Variants in RHOU observed in about 807,000 individuals in gnomAD.
The protein encoded by RHOU is rho-related GTP-binding protein RhoU.
RHOU carries 8 observed loss-of-function variants against 12.6 expected under a neutral mutation model. That is an observed-to-expected ratio of 0.64 (90% CI 0.37 to 1.15). The LOEUF (loss-of-function observed/expected upper bound fraction) is 1.15. RHOU is among the 50% of genes most tolerant of loss of function. The pLI is 0.01. For missense variants in RHOU, 258 were observed against 347.0 expected (o/e 0.74, Z 2.04); for synonymous variants, 161 against 147.4 (o/e 1.09, Z -0.67).
chr1:228,736,652 G>T (rs1209900596), intron 1 of RHOU, among the ~76,000 whole-genome samples: 1 of 152,142 alleles, frequency 6.6e-6, no homozygotes, highest in Non-Finnish European at 1.5e-5. Context: ...CTGATTGTTG[G>T]TATCTTTTCA....
the RHOU span, among the ~76,000 whole-genome samples, chr1:228,661,600 T>C: frequency 6.1e-4 from 93 of 152,316 alleles, no homozygotes; most frequent in African/African-American, 2.0e-3. Context: ...ATTTAATAAA[T>C]GGTGCTGGGA....
At chr1:228,731,539 G>A (rs1002328875), upstream of RHOU, among the ~76,000 whole-genome samples, 1 of 152,052 alleles carries the variant, frequency 6.6e-6, no homozygotes, top group African/African-American at 2.4e-5. Context: ...AAGTTTTGTC[G>A]GGCCTGAAGC....
At chr1:228,659,825 T>C in the RHOU span, among the ~76,000 whole-genome samples, 1 of 148,026 alleles carries the variant, frequency 6.8e-6, no homozygotes, top group Non-Finnish European at 1.5e-5. Context: ...CTACTAAAAA[T>C]ACAAAAAACG....
chr1:228,739,868 C>T (rs1366657449), intron 2 of RHOU, among the ~76,000 whole-genome samples: 2 of 152,212 alleles, frequency 1.3e-5, no homozygotes, highest in Admixed American at 6.5e-5. Context: ...GGCTTAATCT[C>T]GTGGTTTTAG....
Position 228,743,417 on chromosome 1 carries a change from C to T in RHOU, c.454C>T (p.Pro152Ser). 1.2e-6 allele frequency: 2 copies of T among 1,614,162 alleles called. No individual in the cohort carries two copies. Among genetic ancestry groups the T allele is most frequent in the Non-Finnish European group, 1.7e-6 (2 of 1,180,042 alleles). ...GGTGCCGGAGATTCGATGCCACTGTCCCAAAGCCCCCATCATCCTAGTTGG... is the reference window on the plus strand; with the variant it reads ...GGTGCCGGAGATTCGATGCCACTGTTCCAAAGCCCCCATCATCCTAGTTGG... ...KWVPEIRCHC[P>S]KAPIILVGTQ... The change falls in exon 3 of 3, where the codon CCC (proline) becomes TCC (serine). Residue 152 changes from proline to serine, a missense_variant. Coordinates refer to ENST00000366691, the MANE Select transcript of RHOU (RefSeq NM_021205.6). This position sits in a 1 kb window ranked among gnomAD's most constrained non-coding sequence, Gnocchi z 5.1.
At chr1:228,650,448 T>C in the RHOU span, 1 of 456,608 alleles carries the variant, frequency 2.2e-6, no homozygotes, top group Admixed American at 2.4e-5. Flanking sequence ...GCCAGATGCC[T>C]CGGAGCACGC....
chr1:228,652,468 T>C, the RHOU span: 1 of 152,608 alleles, frequency 6.6e-6, no homozygotes, highest in Non-Finnish European at 1.5e-5. Flanking sequence ...ACTGTGCTCT[T>C]TCACTGACTG....
At chr1:228,689,240 C>CTGTTTGGTTTTTTTTGAGATGGAGTTTTG in the RHOU span, among the ~76,000 whole-genome samples, 11 of 152,092 alleles carry the variant, frequency 7.2e-5, no homozygotes, top group African/African-American at 2.7e-4. Context: ...CTCGAAGAAG[C>CTGTTTGGTTTTTTTTGAGATGGAGTTTTG]CGAAGAGTCA....
the RHOU span, among the ~76,000 whole-genome samples, chr1:228,663,165 T>G: frequency 6.6e-6 from 1 of 152,364 alleles, no homozygotes; most frequent in African/African-American, 2.4e-5. Flanking sequence ...ACAGCGCAGT[T>G]GCACTCATTC....
At chr1:228,714,686 CCTT>C in the RHOU span, among the ~76,000 whole-genome samples, 113 of 149,132 alleles carry the variant, frequency 7.6e-4, no homozygotes, top group African/African-American at 2.2e-3. Context: ...TTTTTGAATT[CCTT>C]CTTCTTTTTT....
chr1:228,710,919 C>T, the RHOU span, among the ~76,000 whole-genome samples: 1 of 151,986 alleles, frequency 6.6e-6, no homozygotes, highest in Admixed American at 6.6e-5. Flanking sequence ...ACCCCATTGT[C>T]TCAGCCCAAA....
the RHOU span, among the ~76,000 whole-genome samples, chr1:228,718,969 A>T: frequency 6.6e-6 from 1 of 152,240 alleles, no homozygotes; most frequent in African/African-American, 2.4e-5. Flanking sequence ...AAAAGGAAGT[A>T]TGGCTTTAAA....
the RHOU span, among the ~76,000 whole-genome samples, chr1:228,698,002 G>A: frequency 6.6e-6 from 1 of 152,154 alleles, no homozygotes; most frequent in Admixed American, 6.5e-5. Flanking sequence ...ATGATTAATT[G>A]TAATTTCAGA....
chr1:228,701,865 C>T, the RHOU span, among the ~76,000 whole-genome samples: 5 of 151,434 alleles, frequency 3.3e-5, no homozygotes, highest in South Asian at 4.2e-4. Context: ...ATAGAATTCT[C>T]TTATATATGT....
chr1:228,652,846 C>T, the RHOU span, among the ~76,000 whole-genome samples: 4 of 152,022 alleles, frequency 2.6e-5, no homozygotes, highest in African/African-American at 7.2e-5. Context: ...AAAATATTTT[C>T]GCTTATGCTA....
chr1:228,697,209 A>G, the RHOU span, among the ~76,000 whole-genome samples: 9 of 152,186 alleles, frequency 5.9e-5, no homozygotes, highest in Non-Finnish European at 1.3e-4. Context: ...TGAAACACAG[A>G]GATGTGTCAA....
At chr1:228,723,783 T>C in the RHOU span, among the ~76,000 whole-genome samples, 1 of 152,246 alleles carries the variant, frequency 6.6e-6, no homozygotes, top group African/African-American at 2.4e-5. Flanking sequence ...CTGCAGAATT[T>C]ACACCATCTT....
the RHOU span, among the ~76,000 whole-genome samples, chr1:228,726,236 A>G: frequency 9.2e-5 from 14 of 152,186 alleles, no homozygotes; most frequent in African/African-American, 3.4e-4. Flanking sequence ...TCAGTGATCA[A>G]GGGTGCTACT....
At chr1:228,707,128 A>ATATATATATATG in the RHOU span, among the ~76,000 whole-genome samples, 435 of 67,556 alleles carry the variant, frequency 6.4e-3, 16 homozygotes, top group East Asian at 0.042. Context: ...ATATATATAC[A>ATATATATATATG]TATATATATA....
Sources: gnomAD v4.1 joint callset for allele counts (sites outside exome capture counted in the v4.1 genomes callset) on GRCh38, gnomAD v4.1.1 for gene constraint, Gnocchi (gnomAD v3.1) non-coding constraint, MANE v1.5 for transcripts, NCBI Gene and HGNC (gene_info 2026-07-23, HGNC 2026-07-21) for gene names.